MYT1L: variants seen among roughly 807,000 people sequenced by gnomAD.
MYT1L encodes the protein myelin transcription factor 1-like protein.
MYT1L carries 12 observed loss-of-function variants against 126.7 expected under a neutral mutation model. The observed-to-expected ratio is 0.09, with a 90% CI of 0.06 to 0.15. The LOEUF (loss-of-function observed/expected upper bound fraction) is 0.15, where lower values mean the gene tolerates loss of function less well. Ranked by LOEUF, MYT1L falls within the 10% of genes least tolerant of loss-of-function variation. The probability of loss-of-function intolerance (pLI) is 1.00; values close to 1 mark genes in which losing one functional copy is unlikely to be tolerated. For missense variants in MYT1L, 979 were observed against 1,585.2 expected (o/e 0.62, Z 6.49); for synonymous variants, 541 against 604.2 (o/e 0.90, Z 1.53).
chr2:1,932,699 C>T (rs758640971), intron 9 of MYT1L, among the ~76,000 whole-genome samples: 1 of 152,138 alleles, frequency 6.6e-6, no homozygotes, highest in Non-Finnish European at 1.5e-5. Flanking sequence ...GCCACTTGAG[C>T]AGAGATCTGA....
chr2:2,215,050 CTAAGA>C (rs2148933505), intron 2 of MYT1L, among the ~76,000 whole-genome samples: 1 of 151,926 alleles, frequency 6.6e-6, no homozygotes, highest in Admixed American at 6.6e-5. Context: ...AAAGCGATGA[CTAAGA>C]TAATAGCAAT....
At chr2:2,288,318 T>G (rs1429449671) in intron 1 of MYT1L, among the ~76,000 whole-genome samples, 1 of 152,208 alleles carries the variant, frequency 6.6e-6, no homozygotes, top group African/African-American at 2.4e-5. Context: ...CAAGCGCTCT[T>G]AAATACCACA....
At chr2:2,311,257 G>T (rs540196285) in intron 1 of MYT1L, among the ~76,000 whole-genome samples, 28 of 152,222 alleles carry the variant, frequency 1.8e-4, no homozygotes, top group Non-Finnish European at 3.4e-4. Flanking sequence ...ATTAAGACAC[G>T]AACCATGTTG....
chr2:1,871,214 C>G (rs1243561821), intron 18 of MYT1L, among the ~76,000 whole-genome samples: 1 of 152,232 alleles, frequency 6.6e-6, no homozygotes, highest in Non-Finnish European at 1.5e-5. Context: ...AAAGTAAAAC[C>G]TCTACTCTTA....
At chr2:2,235,211 A>G (rs973481081) in intron 2 of MYT1L, among the ~76,000 whole-genome samples, 2 of 151,738 alleles carry the variant, frequency 1.3e-5, no homozygotes, top group African/African-American at 4.9e-5. Context: ...TGTCTTCCTC[A>G]GAGCTTCCCC....
rs1194683877 is a variant in MYT1L at position 1,922,488 on chromosome 2, G to C, written c.1281C>G (p.Thr427=). The stretch of plus-strand genomic sequence containing the variant: ...TCTCCAGCAGGGTCAGGTTCCCCTT[G>C]GTCATGTCGAACACCTCTTCAGACC... The part of the protein sequence containing the change: ...SDRSEEVFDM[T]KGNLTLLEKA... Residue 427 remains threonine, a synonymous_variant, in exon 10 of 25, where the codon ACC becomes ACG. Transcript: ENST00000647738. This position sits in a 1 kb window ranked among gnomAD's most constrained non-coding sequence, Gnocchi z 7.4. 1 of 1,613,844 alleles carries C rather than the reference G, an allele frequency of 6.2e-7. No individual in the cohort carries two copies. The highest frequency in any genetic ancestry group is 1.3e-5 in the African/African-American group (1 of 74,966).
At chr2:2,290,515 A>G (rs776362481) in intron 1 of MYT1L, among the ~76,000 whole-genome samples, 2 of 152,222 alleles carry the variant, frequency 1.3e-5, no homozygotes, top group Non-Finnish European at 2.9e-5. Flanking sequence ...GGGCATAAAG[A>G]TAACAATGAA....
chr2:2,005,035 C>T (rs141056870), intron 4 of MYT1L, among the ~76,000 whole-genome samples: 4,717 of 147,854 alleles, frequency 0.032, 117 homozygotes, highest in Non-Finnish European at 0.049. Flanking sequence ...TTCTTTCCTG[C>T]AGGCGTTCTT....
intron 15 of MYT1L, 132 bp downstream of exon 15, chr2:1,891,905 C>T (rs991735288): frequency 4.3e-6 from 6 of 1,403,310 alleles, no homozygotes; most frequent in Admixed American, 3.0e-5. Flanking sequence ...TTCACAGTGG[C>T]GAGAATGGTT....
intron 4 of MYT1L, among the ~76,000 whole-genome samples, chr2:2,040,262 A>G (rs1454735161): frequency 6.6e-6 from 1 of 152,174 alleles, no homozygotes; most frequent in African/African-American, 2.4e-5. Context: ...TTGATAAGTG[A>G]CTGAATTTCT....
intron 4 of MYT1L, among the ~76,000 whole-genome samples, chr2:2,018,882 C>T (rs529056423): frequency 1.2e-4 from 18 of 151,912 alleles, no homozygotes; most frequent in Non-Finnish European, 2.5e-4. Context: ...AGGAGGGCTG[C>T]TCTCCACCTG....
At chr2:2,264,577 A>G (rs2095072887) in intron 2 of MYT1L, among the ~76,000 whole-genome samples, 1 of 152,172 alleles carries the variant, frequency 6.6e-6, no homozygotes, top group African/African-American at 2.4e-5. Flanking sequence ...GCTTCGATGG[A>G]CTTCAGGTTC....
chr2:2,127,956 G>T (rs765223893), intron 3 of MYT1L, among the ~76,000 whole-genome samples: 1 of 152,156 alleles, frequency 6.6e-6, no homozygotes, highest in Non-Finnish European at 1.5e-5. Context: ...TAAAATAAAT[G>T]TATTAATAAT....
At chr2:2,045,678 G>A (rs956626474) in intron 4 of MYT1L, among the ~76,000 whole-genome samples, 2 of 151,830 alleles carry the variant, frequency 1.3e-5, no homozygotes, top group Middle Eastern at 3.2e-3. Context: ...TACTGTGAAT[G>A]CATTAGAAAT....
intron 3 of MYT1L, among the ~76,000 whole-genome samples, chr2:2,090,381 T>G (rs2076793547): frequency 6.6e-6 from 1 of 152,258 alleles, no homozygotes; most frequent in Admixed American, 6.5e-5. Flanking sequence ...ATGTTTACAC[T>G]ATACTGTAGT....
intron 21 of MYT1L, among the ~76,000 whole-genome samples, chr2:1,836,159 A>T (rs748893930): frequency 6.6e-6 from 1 of 152,058 alleles, no homozygotes; most frequent in Non-Finnish European, 1.5e-5. Context: ...TCCGAGTAAC[A>T]TGGGCCTGTA....
intron 3 of MYT1L, among the ~76,000 whole-genome samples, chr2:2,102,128 G>C (rs371713399): frequency 6.6e-6 from 1 of 152,184 alleles, no homozygotes; most frequent in South Asian, 2.1e-4. Context: ...CCACTGGGGG[G>C]AAGCTGTTTT....
chr2:1,966,491 C>A (rs951625886), intron 8 of MYT1L, among the ~76,000 whole-genome samples: 2 of 152,144 alleles, frequency 1.3e-5, no homozygotes, highest in African/African-American at 4.8e-5. Context: ...GAGAGAGGCT[C>A]TTCTGGAAAC....
chr2:2,126,426 A>G (rs1429946358), intron 3 of MYT1L, among the ~76,000 whole-genome samples: 1 of 152,076 alleles, frequency 6.6e-6, no homozygotes, highest in Non-Finnish European at 1.5e-5. Context: ...GTTCACCACC[A>G]CCCCTGCTGT....
Sources: allele counts gnomAD v4.1 joint callset (sites outside exome capture counted in the v4.1 genomes callset), GRCh38; gene constraint gnomAD v4.1.1; non-coding constraint Gnocchi (gnomAD v3.1); transcripts MANE v1.5; gene names NCBI Gene and HGNC (gene_info 2026-07-23, HGNC 2026-07-21).